Variants in ICE2 observed in about 807,000 individuals in gnomAD.
The protein encoded by ICE2 is little elongation complex subunit 2.
ICE2 carries 87 observed loss-of-function variants against 105.4 expected under a neutral mutation model. The observed-to-expected ratio is 0.83, with a 90% CI of 0.69 to 0.99. ICE2 has a LOEUF of 0.99. Among genes scored for constraint, ICE2 ranks in the 50% least tolerant of loss-of-function variants. The pLI is 0.00. For synonymous variants in ICE2, 399 were observed against 392.0 expected (o/e 1.02, Z -0.21); for missense variants, 1,323 against 1,146.7 (o/e 1.15, Z -2.22).
intron 12 of ICE2, chr15:60,441,720 T>C (rs1445293557): frequency 2.6e-5 from 4 of 152,104 alleles, no homozygotes; most frequent in African/African-American, 4.8e-5. Flanking sequence ...TGGGAGGAAA[T>C]ACTACCAATA....
Position 60,449,771 on chromosome 15 carries a change from T to TCA in ICE2, c.1194_1195dup (p.Asp399ValfsTer11). 2.5e-6 allele frequency: 4 copies of TCA among 1,614,082 alleles called. No homozygotes were observed. The highest frequency in any genetic ancestry group is 3.4e-6 in the Non-Finnish European group (4 of 1,179,982). ...TCCAAAAGTTTCAAGTTCTGTGACA[T>TCA]CATCATCAAAATCCAAATACAAGTT... On this transcript the variant is annotated frameshift_variant, in exon 10 of 16. Coordinates refer to ENST00000261520, the MANE Select transcript of ICE2 (RefSeq NM_024611.6). LOFTEE classifies it high-confidence loss of function.
chr15:60,464,549 G>C (rs1407728024), intron 5 of ICE2, among the ~76,000 whole-genome samples: 1 of 152,188 alleles, frequency 6.6e-6, no homozygotes, highest in Non-Finnish European at 1.5e-5. Flanking sequence ...CCGGGGAATA[G>C]ATTGAGAAAA....
At chr15:60,453,558 T>C (rs772002662) in intron 9 of ICE2, 45 bp downstream of exon 9, 1 of 1,593,964 alleles carries the variant, frequency 6.3e-7, no homozygotes, top group South Asian at 1.2e-5. Flanking sequence ...TTCAAAAGGA[T>C]AAACAAGTAC....
chr15:60,447,853 C>G, intron 11 of ICE2, 117 bp downstream of exon 11: 1 of 826,466 alleles, frequency 1.2e-6, no homozygotes, highest in South Asian at 2.1e-5. Context: ...AAAAACAAAA[C>G]TCAACCTGAA....
intron 11 of ICE2, among the ~76,000 whole-genome samples, chr15:60,443,827 C>T (rs2063768815): frequency 6.6e-6 from 1 of 152,086 alleles, no homozygotes; most frequent in Non-Finnish European, 1.5e-5. Context: ...GGTGCAGTGG[C>T]TCATGCCTAT....
At chr15:60,469,607 T>C (rs979915531) in intron 3 of ICE2, among the ~76,000 whole-genome samples, 6 of 152,238 alleles carry the variant, frequency 3.9e-5, no homozygotes, top group African/African-American at 1.4e-4. Context: ...ACCTTTGTTA[T>C]TCATCTTTCA....
In ICE2 at chr15:60,448,047, G is replaced by C. The variant is rs2063863287; in HGVS notation, c.2218C>G (p.Leu740Val). 6.2e-7 allele frequency: 1 copy of C among 1,613,696 alleles called. No individual in the cohort carries two copies. The highest frequency in any genetic ancestry group is 1.3e-5 in the African/African-American group (1 of 74,884). ...ACACTGCAGCGTACGAGTAACAACA[G>C]GTCTTGCAGGCTAAATAACTTATAA... is the stretch of plus-strand genomic sequence containing the variant. ...FVYKLFSLQD[L>V]LLLVRCSVQR... The change falls in exon 11 of 16, where the codon CTG becomes GTG. Residue 740 changes from leucine (L) to valine (V), a missense_variant. Leu to Val is a conservative substitution (Grantham distance 32). Coordinates refer to ENST00000261520, the MANE Select transcript of ICE2 (RefSeq NM_024611.6).
intron 11 of ICE2, among the ~76,000 whole-genome samples, chr15:60,443,382 G>A (rs1164650603): frequency 6.6e-6 from 1 of 152,204 alleles, no homozygotes; most frequent in East Asian, 1.9e-4. Context: ...ACCATTTACA[G>A]ATTTGAAAAT....
At chr15:60,453,370 A>C (rs1263277575) in intron 9 of ICE2, 2 of 1,309,912 alleles carry the variant, frequency 1.5e-6, no homozygotes, top group Non-Finnish European at 1.9e-6. Context: ...CTTAACCCTC[A>C]TAATAACCTT....
At chr15:60,428,031 A>G (rs1200401994) in intron 15 of ICE2, among the ~76,000 whole-genome samples, 2 of 152,206 alleles carry the variant, frequency 1.3e-5, no homozygotes, top group Admixed American at 1.3e-4. Flanking sequence ...TAATTATATC[A>G]TAATTTTATT....
At position 60,423,442 on chromosome 15, in the gene ICE2, T is replaced by TTTAAGGGTGAAAA. The variant is rs1440821536; in HGVS notation, c.*191_*192insTTTTCACCCTTAA. The TTTAAGGGTGAAAA allele has an allele frequency of 2.3e-6, 1 of 436,528 alleles. No individual in the cohort carries two copies. Among genetic ancestry groups the TTTAAGGGTGAAAA allele is most frequent in the Non-Finnish European group, 4.0e-6 (1 of 247,350 alleles). 27.0% of individuals were successfully genotyped at this position (436,528 alleles called of 1,614,324 possible). On this transcript the variant is annotated 3_prime_UTR_variant, in exon 16 of 16. Coordinates refer to ENST00000261520, the MANE Select transcript of ICE2 (RefSeq NM_024611.6). ...AAACATATCAAGATCCTCCTCAAAC[T>TTTAAGGGTGAAAA]TCAAGGGTGAAAAGCATACCATTCC...
intron 9 of ICE2, chr15:60,451,806 A>C (rs2063973317): frequency 5.1e-6 from 1 of 195,786 alleles, no homozygotes. Flanking sequence ...TGCTGCCAAA[A>C]GCACAGTTCA....
Position 60,420,303 on chromosome 15 carries a change from C to T in ICE2, c.*3331G>A, listed in dbSNP as rs980371400. On this transcript the variant is annotated 3_prime_UTR_variant, in exon 16 of 16. Transcript: ENST00000261520. ...CTTACCAACAACAAAACTGAGTTGT[C>T]ATTTTTTTTTTTTTCCTTATACATC... is the stretch of plus-strand genomic sequence containing the variant. 1.3e-5 allele frequency: 2 copies of T among 151,396 alleles called. No homozygotes were observed. Among genetic ancestry groups the T allele is most frequent in the African/African-American group, 2.4e-5 (1 of 40,876 alleles). The allele number at this position is 151,396 out of a possible 1,614,324, so 9.4% of individuals were successfully genotyped here.
In ICE2 at chr15:60,448,146, C is replaced by A; in HGVS notation, c.2120-1G>T. 6.3e-7 allele frequency: 1 copy of A among 1,593,696 alleles called. No individual in the cohort carries two copies. The highest frequency in any genetic ancestry group is 1.1e-5 in the South Asian group (1 of 89,622). The stretch of plus-strand genomic sequence containing the variant: ...TAGTCCTGAAGTTCATATGGCAATC[C>A]TTTAAAAATAGTATTTCTCATTTTT... On this transcript the variant is annotated splice_acceptor_variant, in intron 10 of 15. Transcript: ENST00000261520. LOFTEE classifies it high-confidence loss of function.
chr15:60,432,069 CTCAA>C (rs2063471920), intron 13 of ICE2, 85 bp from the exon 14 acceptor site: 2 of 647,650 alleles, frequency 3.1e-6, no homozygotes, highest in Non-Finnish European at 5.5e-6. Flanking sequence ...GAGAAATGCC[CTCAA>C]TAACAACAAC....
chr15:60,436,974 T>C (rs772097796), intron 12 of ICE2, among the ~76,000 whole-genome samples: 1 of 152,052 alleles, frequency 6.6e-6, no homozygotes, highest in African/African-American at 2.4e-5. Context: ...TTAATTAGAC[T>C]GGGTGTGGTG....
intron 12 of ICE2, chr15:60,441,728 A>G (rs2063724830): frequency 1.3e-5 from 2 of 152,234 alleles, no homozygotes; most frequent in Admixed American, 6.5e-5. Flanking sequence ...AATACTACCA[A>G]TAATGACTAG....
chr15:60,429,978 C>G (rs923165299), intron 14 of ICE2, among the ~76,000 whole-genome samples: 1 of 152,044 alleles, frequency 6.6e-6, no homozygotes, highest in Admixed American at 6.6e-5. Context: ...CTGTACATGT[C>G]TAATGTACAT....
chr15:60,427,482 G>A (rs1595736105), intron 15 of ICE2, among the ~76,000 whole-genome samples: 1 of 152,192 alleles, frequency 6.6e-6, no homozygotes, highest in African/African-American at 2.4e-5. Context: ...GTGCAGTAGA[G>A]TGATCTTGGG....
Sources: gnomAD v4.1 joint callset for allele counts (sites outside exome capture counted in the v4.1 genomes callset) on GRCh38, gnomAD v4.1.1 for gene constraint, MANE v1.5 for transcripts, NCBI Gene and HGNC (gene_info 2026-07-23, HGNC 2026-07-21) for gene names.